Variants in GPD1L observed in about 807,000 individuals in gnomAD.
The protein encoded by GPD1L is glycerol-3-phosphate dehydrogenase 1-like protein.
Under a neutral mutation model 32.9 loss-of-function variants are expected in GPD1L, and 17 were observed. The observed-to-expected ratio is 0.52, with a 90% CI of 0.35 to 0.78. The LOEUF (loss-of-function observed/expected upper bound fraction) is 0.78, where lower values mean the gene tolerates loss of function less well. Ranked by LOEUF, GPD1L falls within the 30% of genes least tolerant of loss-of-function variation. GPD1L has a pLI of 0.01. For synonymous variants in GPD1L, 187 were observed against 165.9 expected, an observed-to-expected ratio of 1.13 and a Z score of -0.98; for missense variants, 361 against 447.8, an observed-to-expected ratio of 0.81 and a Z score of 1.75.
chr3:32,115,173 T>G (rs919071595), intron 1 of GPD1L, among the ~76,000 whole-genome samples: 2 of 152,178 alleles, frequency 1.3e-5, no homozygotes, highest in African/African-American at 4.8e-5. Context: ...GAGTGCTGAT[T>G]GATGCATTTT....
intron 2 of GPD1L, among the ~76,000 whole-genome samples, chr3:32,137,222 A>G (rs1700675680): frequency 6.6e-6 from 1 of 152,234 alleles, no homozygotes; most frequent in South Asian, 2.1e-4. Flanking sequence ...AATGGGGACT[A>G]AGTCAGTTAT....
At chr3:32,165,766 G>A (rs757942054) in intron 7 of GPD1L, 48 bp from the exon 8 acceptor site, 2 of 963,092 alleles carry the variant, frequency 2.1e-6, no homozygotes, top group Non-Finnish European at 3.4e-6. Flanking sequence ...ATTCTCTGAG[G>A]TAAATCCAGT....
chr3:32,109,186 A>C (rs1700212258), intron 1 of GPD1L, among the ~76,000 whole-genome samples: 1 of 152,246 alleles, frequency 6.6e-6, no homozygotes, highest in South Asian at 2.1e-4. Flanking sequence ...ACTTGAGTGC[A>C]GTGTCAGCTC....
intron 2 of GPD1L, 138 bp from the exon 3 acceptor site, chr3:32,138,447 AAC>A: frequency 1.2e-6 from 1 of 856,552 alleles, no homozygotes; most frequent in East Asian, 2.4e-5. Context: ...AGGCAAAGCA[AAC>A]ACACTTGCCT....
chr3:32,147,678 A>G (rs1700851788), intron 5 of GPD1L, among the ~76,000 whole-genome samples: 1 of 152,192 alleles, frequency 6.6e-6, no homozygotes, highest in South Asian at 2.1e-4. Context: ...GCCACTTCTG[A>G]GTCATCTCTT....
chr3:32,135,252 T>G (rs1700647279), intron 2 of GPD1L, among the ~76,000 whole-genome samples: 1 of 152,144 alleles, frequency 6.6e-6, no homozygotes, highest in Non-Finnish European at 1.5e-5. Context: ...AGGCTCCATA[T>G]GAACCAGGGA....
intron 5 of GPD1L, chr3:32,158,673 A>G: frequency 1.7e-6 from 2 of 1,195,698 alleles, no homozygotes; most frequent in Non-Finnish European, 1.1e-6. Context: ...TCTTTGTCCT[A>G]GAAAGGGGAA....
At chr3:32,160,936 C>T (rs1004079594) in intron 7 of GPD1L, among the ~76,000 whole-genome samples, 14 of 152,278 alleles carry the variant, frequency 9.2e-5, no homozygotes, top group East Asian at 5.8e-4. Flanking sequence ...TTAACTCTCC[C>T]GTAATACTCT....
At chr3:32,118,809 T>C (rs2125472148) in intron 1 of GPD1L, among the ~76,000 whole-genome samples, 1 of 152,344 alleles carries the variant, frequency 6.6e-6, no homozygotes, top group East Asian at 1.9e-4. Flanking sequence ...ACCACGCTTC[T>C]ACTTTCTGTC....
chr3:32,135,319 C>T lies in GPD1L; in HGVS notation c.226-3268C>T, dbSNP rs976870444. ...CCAGTGTTGAAGGGGAAGGAGTGAT[C>T]GGAGTTCTTGTGAAGGCCGTGGGAA... On this transcript the variant is annotated intron_variant, in intron 2 of 7. Transcript: ENST00000282541. Among the ~76,000 whole-genome samples, 3 of 152,138 alleles carry T rather than the reference C, an allele frequency of 2.0e-5. No homozygotes were observed. In the East Asian group the frequency reaches 5.8e-4, roughly 29 times the overall value.
chr3:32,149,277 T>C (rs1029209245), intron 5 of GPD1L, among the ~76,000 whole-genome samples: 4 of 152,288 alleles, frequency 2.6e-5, no homozygotes, highest in Admixed American at 1.3e-4. Context: ...TTCAGGCTGG[T>C]CTTGAACTTG....
At chr3:32,163,987 A>G (rs138096016) in intron 7 of GPD1L, among the ~76,000 whole-genome samples, 4 of 152,250 alleles carry the variant, frequency 2.6e-5, no homozygotes, top group African/African-American at 9.6e-5. Context: ...CATCACATTC[A>G]CTTTTACACT....
At chr3:32,108,580 C>T (rs769809144) in intron 1 of GPD1L, among the ~76,000 whole-genome samples, 3 of 152,184 alleles carry the variant, frequency 2.0e-5, no homozygotes, top group Non-Finnish European at 4.4e-5. Context: ...TGAAACATCA[C>T]CCATCCACAT....
chr3:32,154,356 G>T (rs554660579), intron 5 of GPD1L, among the ~76,000 whole-genome samples: 1 of 152,326 alleles, frequency 6.6e-6, no homozygotes, highest in South Asian at 2.1e-4. Flanking sequence ...GCACCCTCAT[G>T]TGGCTTTTCT....
chr3:32,148,887 A>C (rs959694367), intron 5 of GPD1L, among the ~76,000 whole-genome samples: 2 of 152,224 alleles, frequency 1.3e-5, no homozygotes, highest in Non-Finnish European at 2.9e-5. Context: ...ACACAACAGA[A>C]AGGTGTAAAG....
chr3:32,138,885 A>G (rs932325334), intron 3 of GPD1L, among the ~76,000 whole-genome samples, 158 bp downstream of exon 3: 3 of 151,856 alleles, frequency 2.0e-5, no homozygotes, highest in Admixed American at 2.0e-4. Context: ...AAAAAATAAG[A>G]CTAGTTTAGC....
chr3:32,122,051 G>A (rs1700431428), intron 1 of GPD1L, among the ~76,000 whole-genome samples: 2 of 152,246 alleles, frequency 1.3e-5, no homozygotes, highest in South Asian at 4.2e-4. Context: ...TTACAGGCGT[G>A]AGCCACCGTG....
chr3:32,127,650 C>T (rs990270929), intron 1 of GPD1L, among the ~76,000 whole-genome samples: 6 of 152,198 alleles, frequency 3.9e-5, no homozygotes, highest in Non-Finnish European at 8.8e-5. Context: ...GGAATCCAGT[C>T]AGGTTCTTGT....
chr3:32,115,882 G>A (rs940138039), intron 1 of GPD1L, among the ~76,000 whole-genome samples: 13 of 138,822 alleles, frequency 9.4e-5, no homozygotes, highest in African/African-American at 3.5e-4. Context: ...TCCACCTCCC[G>A]GGTTCAAGCA....
Sources: allele counts gnomAD v4.1 joint callset (sites outside exome capture counted in the v4.1 genomes callset), GRCh38; gene constraint gnomAD v4.1.1; transcripts MANE v1.5; gene names NCBI Gene and HGNC (gene_info 2026-07-23, HGNC 2026-07-21).